Variants in ZBED6 observed in about 807,000 individuals in gnomAD.
ZBED6 encodes the protein zinc finger BED-type containing 6.
In ZBED6, 40 loss-of-function variants were observed where a neutral mutation model predicts 58.4. The observed-to-expected ratio is 0.68, with a 90% CI of 0.53 to 0.89. The LOEUF (loss-of-function observed/expected upper bound fraction) is 0.89. ZBED6 is among the 40% of genes least tolerant of loss of function. The pLI, the probability that ZBED6 is intolerant of heterozygous loss-of-function variation, is 0.00. For synonymous variants in ZBED6, 439 were observed against 350.6 expected (o/e 1.25, Z -2.82); for missense variants, 1,057 against 1,003.9 (o/e 1.05, Z -0.71).
chr1:203,805,971 C>T (rs1672189216), intron 1 of ZBED6: 1 of 600,528 alleles, frequency 1.7e-6, no homozygotes, highest in East Asian at 4.0e-5. Context: ...TCTTGGTATC[C>T]TTCAATGACT....
chr1:203,847,758 TC>T, intron 12 of ZBED6, 71 bp downstream of exon 12: 2 of 1,539,070 alleles, frequency 1.3e-6, no homozygotes, highest in African/African-American at 1.4e-5. Flanking sequence ...CGTGGGATCT[TC>T]CTAGGAGTTG....
At chr1:203,805,629 G>GT (rs1672064754) in intron 1 of ZBED6, 3 of 688,484 alleles carry the variant, frequency 4.4e-6, no homozygotes, top group Middle Eastern at 4.6e-4. Context: ...TATGAAGCAG[G>GT]GATCTGTGGC....
chr1:203,838,413 T>C (rs1036352736), intron 10 of ZBED6, among the ~76,000 whole-genome samples: 1 of 152,208 alleles, frequency 6.6e-6, no homozygotes, highest in Non-Finnish European at 1.5e-5. Flanking sequence ...GAAGAAGTTA[T>C]GTTAAAGTTT....
chr1:203,818,352 C>G (rs1260915776), intron 2 of ZBED6, among the ~76,000 whole-genome samples: 3 of 152,094 alleles, frequency 2.0e-5, no homozygotes, highest in Non-Finnish European at 4.4e-5. Context: ...TTGTGTCACT[C>G]ATGCCAGATC....
At chr1:203,845,302 T>TCACC (rs1257606757) in intron 11 of ZBED6, among the ~76,000 whole-genome samples, 1 of 152,204 alleles carries the variant, frequency 6.6e-6, no homozygotes, top group Admixed American at 6.5e-5. Context: ...GGCCTCTATG[T>TCACC]CACCATTCAT....
intron 11 of ZBED6, among the ~76,000 whole-genome samples, chr1:203,840,721 C>T (rs972940666): frequency 1.3e-5 from 2 of 152,012 alleles, no homozygotes; most frequent in Non-Finnish European, 2.9e-5. Context: ...GCAACCTCCA[C>T]CTCCTGGGTT....
At chr1:203,799,723 G>A (rs1362549457) in exon 1 of ZBED6, 2 of 737,380 alleles carry the variant, frequency 2.7e-6, no homozygotes, top group African/African-American at 3.5e-5. Context: ...CAAGTCAGAG[G>A]TATTACTCAG....
Position 203,799,243 on chromosome 1 carries a change from A to G in ZBED6, c.1721A>G (p.Lys574Arg), listed in dbSNP as rs10494843. 2.3e-3 allele frequency: 1,909 copies of G among 840,260 alleles called. 39 individuals carry two copies. In the East Asian group the frequency reaches 0.036, roughly 16 times the overall value. The allele number at this position is 840,260 out of a possible 1,614,324, so 52.1% of individuals were successfully genotyped here. ...TCCTCTAATGTGGTACATGCAATCA[A>G]AGATGGTGGTTTTACCCATGTGCCA... The change falls in exon 1 of 17, where the codon AAA becomes AGA. Residue 574 changes from lysine to arginine, a missense_variant. By Grantham distance (26) the Lys-to-Arg change is conservative. Coordinates refer to ENST00000550078, the Ensembl canonical transcript of ZBED6.
intron 10 of ZBED6, among the ~76,000 whole-genome samples, chr1:203,839,853 G>C (rs1018086074): frequency 3.3e-5 from 5 of 152,022 alleles, no homozygotes; most frequent in African/African-American, 1.2e-4. Context: ...ACCCAGACTG[G>C]AGTGCAGTAG....
chr1:203,844,642 A>G (rs1488663078), intron 11 of ZBED6, among the ~76,000 whole-genome samples: 1 of 152,026 alleles, frequency 6.6e-6, no homozygotes, highest in Non-Finnish European at 1.5e-5. Context: ...CCTTTCCCCA[A>G]GTTGTCCTCT....
intron 13 of ZBED6, among the ~76,000 whole-genome samples, chr1:203,849,059 A>G (rs1366285841): frequency 6.6e-6 from 1 of 152,092 alleles, no homozygotes; most frequent in African/African-American, 2.4e-5. Context: ...TAATTTTTGT[A>G]TTTTTAGTAG....
chr1:203,815,616 G>A (rs1468934234), intron 1 of ZBED6, among the ~76,000 whole-genome samples: 2 of 151,948 alleles, frequency 1.3e-5, no homozygotes, highest in Non-Finnish European at 1.5e-5. Context: ...TGGAATTGTC[G>A]AAGGGTATGT....
chr1:203,816,481 T>A (rs11240558), intron 1 of ZBED6, among the ~76,000 whole-genome samples: 12,022 of 151,856 alleles, frequency 0.079, 1,266 homozygotes, highest in East Asian at 0.4. Flanking sequence ...TTTAAAAAAT[T>A]AGCTGGGTAT....
intron 14 of ZBED6, 67 bp downstream of exon 14, chr1:203,850,093 C>A: frequency 6.9e-7 from 1 of 1,455,818 alleles, no homozygotes; most frequent in East Asian, 2.3e-5. Flanking sequence ...CAATTGTTGC[C>A]AGTAACTTCC....
chr1:203,817,105 T>C (rs775620516), exon 2 of ZBED6: 1 of 1,610,118 alleles, frequency 6.2e-7, no homozygotes, highest in Non-Finnish European at 8.5e-7. Flanking sequence ...TATTTTTTTT[T>C]CTATTCCACA....
rs773011930 is a variant in ZBED6 at position 203,829,888 on chromosome 1, T to G, written c.*3310T>G. ...TCTGTCCGGAAACCTGCAGTCAATA[T>G]AAAGCAAGGTAAGAAGAGGCTAGAT... On this transcript the variant is annotated 3_prime_UTR_variant, in exon 6 of 17. Transcript: ENST00000550078. 14 of 1,613,742 alleles carry G rather than the reference T, an allele frequency of 8.7e-6. No homozygotes were observed. In the Admixed American group the frequency reaches 1.3e-4, roughly 15 times the overall value.
At chr1:203,848,288 A>C (rs1309304510) in intron 12 of ZBED6, 43 bp from the exon 13 acceptor site, 2 of 1,507,382 alleles carry the variant, frequency 1.3e-6, no homozygotes, top group Non-Finnish European at 1.8e-6. Flanking sequence ...ATGAAGTTGC[A>C]GCTTAAATAA....
At chr1:203,816,049 A>G (rs1212930397) in intron 1 of ZBED6, among the ~76,000 whole-genome samples, 1 of 152,224 alleles carries the variant, frequency 6.6e-6, no homozygotes, top group African/African-American at 2.4e-5. Flanking sequence ...AACGTAAGCT[A>G]GATCGATAGA....
intron 11 of ZBED6, 46 bp downstream of exon 11, chr1:203,840,420 G>GT (rs1347944340): frequency 6.4e-7 from 1 of 1,569,536 alleles, no homozygotes; most frequent in Non-Finnish European, 8.7e-7. Context: ...TTTCTTTGCT[G>GT]TAAGAGCCTT....
Sources: gnomAD v4.1 joint callset for allele counts (sites outside exome capture counted in the v4.1 genomes callset) on GRCh38, gnomAD v4.1.1 for gene constraint, MANE v1.5 for transcripts, NCBI Gene and HGNC (gene_info 2026-07-23, HGNC 2026-07-21) for gene names.